FOXP2: variants seen among roughly 807,000 people sequenced by gnomAD.
The protein encoded by FOXP2 is forkhead box protein P2.
FOXP2 carries 12 observed loss-of-function variants against 115.8 expected under a neutral mutation model. The ratio of observed to expected loss-of-function variants is 0.10; its 90% CI spans 0.07 to 0.17. The LOEUF (loss-of-function observed/expected upper bound fraction) is 0.17, where lower values mean the gene tolerates loss of function less well. Ranked by LOEUF, FOXP2 falls within the 10% of genes least tolerant of loss-of-function variation. The pLI is 1.00. For missense variants in FOXP2, 629 were observed against 843.5 expected (o/e 0.75, Z 3.15); for synonymous variants, 328 against 297.7 (o/e 1.10, Z -1.05).
At chr7:114,276,839 T>C (rs1796202078) in intron 1 of FOXP2, among the ~76,000 whole-genome samples, 1 of 152,194 alleles carries the variant, frequency 6.6e-6, no homozygotes, top group Admixed American at 6.5e-5. Flanking sequence ...GAGTGGTGAC[T>C]CCCAAGCTCC....
intron 2 of FOXP2, among the ~76,000 whole-genome samples, chr7:114,498,404 G>A (rs1797418672): frequency 6.6e-6 from 1 of 152,120 alleles, no homozygotes; most frequent in Admixed American, 6.5e-5. Flanking sequence ...GGAAAATGCA[G>A]TCCTTCCTTG....
intron 1 of FOXP2, among the ~76,000 whole-genome samples, chr7:114,149,111 A>G (rs557866896): frequency 6.6e-6 from 1 of 152,262 alleles, no homozygotes; most frequent in African/African-American, 2.4e-5. Context: ...AGCAGGAGTC[A>G]GTATTAAGAA....
At position 114,240,297 on chromosome 7, in the gene FOXP2, T is replaced by C. The variant is rs569313348; in HGVS notation, c.-101-47722T>C. ...GTTAAAAATAACTTTCTCTCCAAAT[T>C]CAAGAGTACATGAATTTTCCTTATA... On this transcript the variant is annotated intron_variant, in intron 1 of 17. Transcript: ENST00000634411. Among the ~76,000 whole-genome samples the C allele has an allele frequency of 2.6e-5, 4 of 152,260 alleles. No homozygotes were observed. In the East Asian group the frequency reaches 7.7e-4, roughly 29 times the overall value.
At chr7:114,159,481 A>G (rs1792769195), upstream of FOXP2, among the ~76,000 whole-genome samples, 1 of 141,272 alleles carries the variant, frequency 7.1e-6, no homozygotes, top group Admixed American at 7.5e-5. Context: ...ATGTAACAGC[A>G]TCATGGAAAG....
At position 114,440,772 on chromosome 7, in the gene FOXP2, A is replaced by C. The variant is rs551737452; in HGVS notation, c.168+14093A>C. 3.3e-5 allele frequency among the ~76,000 whole-genome samples: 5 copies of C among 152,312 alleles called. No individual in the cohort carries two copies. In the East Asian group the frequency reaches 9.7e-4, roughly 29 times the overall value. ...ATCCATGGCTATTCTACAGAGACTA[A>C]GCTTGATCCTACTGTACATCAGTAC... On this transcript the variant is annotated intron_variant, in intron 2 of 16. Transcript: ENST00000350908.
At chr7:114,381,455 C>A (rs1792292181) in intron 2 of FOXP2, among the ~76,000 whole-genome samples, 1 of 152,094 alleles carries the variant, frequency 6.6e-6, no homozygotes, top group Non-Finnish European at 1.5e-5. Context: ...TAATGCCTGG[C>A]CAAATAGATG....
chr7:114,642,779 A>ATATATATAT (rs1491273950), intron 7 of FOXP2, among the ~76,000 whole-genome samples, 156 bp downstream of exon 7: 8 of 91,180 alleles, frequency 8.8e-5, no homozygotes, highest in South Asian at 4.5e-4. Context: ...TTTTATATAT[A>ATATATATAT]ATATATATAT....
intron 1 of FOXP2, among the ~76,000 whole-genome samples, chr7:114,270,094 A>C (rs1346831737): frequency 6.6e-6 from 1 of 152,212 alleles, no homozygotes; most frequent in South Asian, 2.1e-4. Context: ...AGAAATGAGC[A>C]TTCTTTCACT....
At chr7:114,223,846 T>C (rs1182386618) in intron 1 of FOXP2, among the ~76,000 whole-genome samples, 1 of 151,890 alleles carries the variant, frequency 6.6e-6, no homozygotes, top group Admixed American at 6.6e-5. Flanking sequence ...TCAATTTTAA[T>C]TTAATTTATC....
At chr7:114,346,894 G>A (rs1253463747) in intron 2 of FOXP2, among the ~76,000 whole-genome samples, 1 of 151,798 alleles carries the variant, frequency 6.6e-6, no homozygotes, top group Non-Finnish European at 1.5e-5. Flanking sequence ...GTGAGTGGAA[G>A]AGAGGCTTTT....
intron 1 of FOXP2, among the ~76,000 whole-genome samples, chr7:114,188,409 A>G (rs886875172): frequency 6.6e-6 from 1 of 151,970 alleles, no homozygotes; most frequent in Non-Finnish European, 1.5e-5. Context: ...CACTGTTGGG[A>G]ATTTTTCCCT....
chr7:114,172,536 T>C (rs1197259467), intron 1 of FOXP2, among the ~76,000 whole-genome samples: 1 of 152,156 alleles, frequency 6.6e-6, no homozygotes, highest in African/African-American at 2.4e-5. Context: ...CAGTTAGGGG[T>C]TCATCAGTTG....
At chr7:114,297,890 A>T (rs1194830837) in intron 2 of FOXP2, among the ~76,000 whole-genome samples, 2 of 152,190 alleles carry the variant, frequency 1.3e-5, no homozygotes, top group Non-Finnish European at 2.9e-5. Flanking sequence ...CAATATTTTT[A>T]AAATAATGCT....
intron 2 of FOXP2, among the ~76,000 whole-genome samples, chr7:114,372,279 T>A (rs1226394468): frequency 6.6e-6 from 1 of 152,182 alleles, no homozygotes; most frequent in Non-Finnish European, 1.5e-5. Context: ...TTGAAAGCAT[T>A]AACCTAAGAA....
intron 2 of FOXP2, among the ~76,000 whole-genome samples, chr7:114,528,286 C>T (rs1451413421): frequency 6.6e-6 from 1 of 152,116 alleles, no homozygotes; most frequent in African/African-American, 2.4e-5. Flanking sequence ...AATATTATAT[C>T]CTCCATAAAA....
At chr7:114,146,654 C>T (rs1263947524) in intron 1 of FOXP2, among the ~76,000 whole-genome samples, 2 of 152,042 alleles carry the variant, frequency 1.3e-5, no homozygotes, top group Non-Finnish European at 2.9e-5. Flanking sequence ...ACATTATAAA[C>T]GTAAAAAACT....
At chr7:114,603,209 A>G (rs567329890) in intron 3 of FOXP2, among the ~76,000 whole-genome samples, 107 of 152,308 alleles carry the variant, frequency 7.0e-4, no homozygotes, top group Non-Finnish European at 1.2e-3. Context: ...AAGACATCAG[A>G]GTTGTATTAA....
intron 3 of FOXP2, among the ~76,000 whole-genome samples, chr7:114,559,401 G>A (rs1426936937): frequency 6.6e-6 from 1 of 152,052 alleles, no homozygotes; most frequent in Non-Finnish European, 1.5e-5. Context: ...CTGGATAAGA[G>A]GTGTCCATAT....
At chr7:114,672,844 C>T (rs900581951) in intron 16 of FOXP2, among the ~76,000 whole-genome samples, 1 of 152,088 alleles carries the variant, frequency 6.6e-6, no homozygotes, top group Admixed American at 6.6e-5. Context: ...CAGGAGCCAG[C>T]AGCGGATGGG....
Sources: gnomAD v4.1 joint callset for allele counts (sites outside exome capture counted in the v4.1 genomes callset) on GRCh38, gnomAD v4.1.1 for gene constraint, MANE v1.5 for transcripts, NCBI Gene and HGNC (gene_info 2026-07-23, HGNC 2026-07-21) for gene names.